GRM7: variants seen among roughly 807,000 people sequenced by gnomAD.
GRM7 encodes the protein glutamate metabotropic receptor 7.
In GRM7, 35 loss-of-function variants were observed where a neutral mutation model predicts 84.5. The ratio of observed to expected loss-of-function variants is 0.41; its 90% confidence interval spans 0.32 to 0.55. GRM7 has a LOEUF of 0.55. Ranked by LOEUF, GRM7 falls within the 20% of genes least tolerant of loss-of-function variation. The pLI is 0.19. For missense variants in GRM7, 1,003 were observed against 1,194.6 expected (o/e 0.84, Z 2.36); for synonymous variants, 487 against 455.1 (o/e 1.07, Z -0.89).
At chr3:6,944,649 A>AT (rs1453543075) in intron 1 of GRM7, among the ~76,000 whole-genome samples, 1 of 151,830 alleles carries the variant, frequency 6.6e-6, no homozygotes, top group East Asian at 1.9e-4. Context: ...CTTATAATGC[A>AT]TTTTTCCCCG....
At chr3:7,251,751 GT>G (rs1697995368) in intron 2 of GRM7, among the ~76,000 whole-genome samples, 1 of 152,166 alleles carries the variant, frequency 6.6e-6, no homozygotes, top group South Asian at 2.1e-4. Context: ...GCCCAACCCT[GT>G]GACAGATCCT....
rs973416751 is a variant in GRM7, at chr3:7,151,648, CATT to C, written c.736+4984_736+4986del. ...TCCTAGTACATAGAAAGCAGTCAATCATTATTTCTTAACAGAAGGAAGAATTGT... is the reference window on the plus strand; with the variant it reads ...TCCTAGTACATAGAAAGCAGTCAATCATTTCTTAACAGAAGGAAGAATTGT... On this transcript the variant is annotated intron_variant, in intron 2 of 9. Transcript: ENST00000357716. The surrounding 1 kb of genome is among the most constrained non-coding windows in gnomAD (Gnocchi z 4.5). Among the ~76,000 whole-genome samples the C allele has an allele frequency of 3.3e-5, 5 of 152,124 alleles. No homozygotes were observed. Among genetic ancestry groups the C allele is most frequent in the African/African-American group, 1.2e-4 (5 of 41,430 alleles).
rs2124908231 is a variant in GRM7, at chr3:7,461,741, T to C, written c.1515+19T>C. 3.7e-6 allele frequency: 6 copies of C among 1,609,984 alleles called. No individual in the cohort carries two copies. The highest frequency in any genetic ancestry group is 5.1e-6 in the Non-Finnish European group (6 of 1,176,414). On this transcript the variant is annotated intron_variant, in intron 7 of 9. Transcript: ENST00000357716. Reference sequence around the variant, plus strand: ...GCTCAATGTGAGTTCTGCTTGCTTCTCTTCTTCCCTTGTTGAGATGAATGA... The same window carrying C: ...GCTCAATGTGAGTTCTGCTTGCTTCCCTTCTTCCCTTGTTGAGATGAATGA...
rs537886716 is a variant in GRM7 at position 7,560,061 on chromosome 3, C to T, written c.1516-18361C>T. 2.4e-4 allele frequency among the ~76,000 whole-genome samples: 36 copies of T among 152,080 alleles called. No individual in the cohort carries two copies. In the South Asian group the frequency reaches 3.3e-3, roughly 14 times the overall value. ...TTAGGGATTTAACCTTATGACTTTG[C>T]GGTAGGAGGACACAACTGAATCCAT... is the stretch of plus-strand genomic sequence containing the variant. On this transcript the variant is annotated intron_variant, in intron 7 of 9. Transcript: ENST00000357716.
intron 1 of GRM7, among the ~76,000 whole-genome samples, chr3:7,030,334 G>T (rs1696144548): frequency 6.6e-6 from 1 of 152,192 alleles, no homozygotes; most frequent in Non-Finnish European, 1.5e-5. Flanking sequence ...ATAAGACATG[G>T]TGGGTTGTGA....
chr3:7,019,512 T>C (rs948305618), intron 1 of GRM7, among the ~76,000 whole-genome samples: 14 of 152,212 alleles, frequency 9.2e-5, no homozygotes, highest in African/African-American at 3.4e-4. Flanking sequence ...TCCCGACAAA[T>C]ATAGATTGGC....
At chr3:7,361,250 T>G (rs1693650808) in intron 4 of GRM7, among the ~76,000 whole-genome samples, 1 of 152,116 alleles carries the variant, frequency 6.6e-6, no homozygotes, top group South Asian at 2.1e-4. Flanking sequence ...ATTTTTAACG[T>G]GGAAAGTACC....
chr3:6,934,405 C>T (rs1697614512), intron 1 of GRM7, among the ~76,000 whole-genome samples: 1 of 152,100 alleles, frequency 6.6e-6, no homozygotes. Context: ...CCCCACCCTG[C>T]CCCATCTCTT....
intron 1 of GRM7, among the ~76,000 whole-genome samples, chr3:7,085,874 G>A (rs1393201595): frequency 1.3e-5 from 2 of 152,036 alleles, no homozygotes; most frequent in Non-Finnish European, 2.9e-5. Context: ...CAATAGAAAT[G>A]TCAACATATT....
At chr3:6,868,522 A>G (rs1695012593) in intron 1 of GRM7, among the ~76,000 whole-genome samples, 1 of 152,168 alleles carries the variant, frequency 6.6e-6, no homozygotes, top group Non-Finnish European at 1.5e-5. Flanking sequence ...GTATGCAGGA[A>G]ATAAATATAC....
At chr3:7,553,577 A>G (rs1693601791) in intron 7 of GRM7, among the ~76,000 whole-genome samples, 1 of 152,184 alleles carries the variant, frequency 6.6e-6, no homozygotes, top group Non-Finnish European at 1.5e-5. Flanking sequence ...AGGCCTCAAG[A>G]GACTTACAAT....
chr3:7,691,294 G>C (rs986506603), intron 9 of GRM7: 3 of 1,274,230 alleles, frequency 2.4e-6, no homozygotes, highest in South Asian at 1.3e-5. Context: ...CCAACACTTA[G>C]GAAAACATGA....
In GRM7 at chr3:7,193,001, A is replaced by G. The variant is rs899235557; in HGVS notation, c.736+46333A>G. Among the ~76,000 whole-genome samples, 10 of 152,120 alleles carry G rather than the reference A, an allele frequency of 6.6e-5. 1 individual carries two copies. Among genetic ancestry groups the G allele is most frequent in the Admixed American group, 3.3e-4 (5 of 15,262 alleles). ...CTCCCCTTCAATGCCTGCATTCTCC[A>G]CGGGTTTATCTTTGGCCTTCATTTC... On this transcript the variant is annotated intron_variant, in intron 2 of 9. Coordinates refer to ENST00000357716, the MANE Select transcript of GRM7 (RefSeq NM_000844.4).
At chr3:7,152,721 A>G (rs985863604) in intron 2 of GRM7, among the ~76,000 whole-genome samples, 1 of 152,048 alleles carries the variant, frequency 6.6e-6, no homozygotes, top group Non-Finnish European at 1.5e-5. Flanking sequence ...TTGGATTGTG[A>G]TGTATACATT....
At chr3:7,509,570 G>A (rs181793564) in intron 7 of GRM7, among the ~76,000 whole-genome samples, 102 of 152,334 alleles carry the variant, frequency 6.7e-4, no homozygotes, top group Non-Finnish European at 1.9e-4. Context: ...GATCCAATCT[G>A]ATAAGCCACT....
At chr3:6,977,719 A>C (rs1034008325) in intron 1 of GRM7, among the ~76,000 whole-genome samples, 1 of 152,186 alleles carries the variant, frequency 6.6e-6, no homozygotes, top group Admixed American at 6.5e-5. Context: ...CAGAGGAGAC[A>C]TTAATAACAC....
chr3:7,204,708 C>T (rs1049110590), intron 2 of GRM7, among the ~76,000 whole-genome samples: 12 of 152,312 alleles, frequency 7.9e-5, no homozygotes, highest in Admixed American at 3.9e-4. Context: ...TTCTGACTTC[C>T]CCATTGGGAC....
chr3:7,052,237 C>T (rs1278212985), intron 1 of GRM7, among the ~76,000 whole-genome samples: 1 of 151,632 alleles, frequency 6.6e-6, no homozygotes, highest in African/African-American at 2.4e-5. Flanking sequence ...CTGGTAAAAA[C>T]TATTTATCCC....
At chr3:7,574,130 C>T (rs375218517) in intron 7 of GRM7, among the ~76,000 whole-genome samples, 1 of 148,346 alleles carries the variant, frequency 6.7e-6, no homozygotes, top group Non-Finnish European at 1.5e-5. Context: ...TTTTGCCATC[C>T]TCAGCTTGTG....
Sources: gnomAD v4.1 joint callset for allele counts (sites outside exome capture counted in the v4.1 genomes callset) on GRCh38, gnomAD v4.1.1 for gene constraint, Gnocchi (gnomAD v3.1) non-coding constraint, MANE v1.5 for transcripts, NCBI Gene and HGNC (gene_info 2026-07-23, HGNC 2026-07-21) for gene names.